RASGEF1A: variants seen among roughly 807,000 people sequenced by gnomAD.
The protein encoded by RASGEF1A is RasGEF domain family member 1A.
RASGEF1A carries 18 observed loss-of-function variants against 56.4 expected under a neutral mutation model. The observed-to-expected ratio is 0.32, with a 90% CI of 0.22 to 0.47. The LOEUF (loss-of-function observed/expected upper bound fraction) is 0.47, where lower values mean the gene tolerates loss of function less well. RASGEF1A is among the 20% of genes least tolerant of loss of function. The pLI, the probability that RASGEF1A is intolerant of heterozygous loss-of-function variation, is 1.00. For synonymous variants in RASGEF1A, 245 were observed against 242.6 expected (o/e 1.01, Z -0.09); for missense variants, 422 against 627.1 (o/e 0.67, Z 3.49).
chr10:43,202,037 C>T, intron 3 of RASGEF1A, 92 bp from the exon 4 acceptor site: 2 of 1,382,504 alleles, frequency 1.4e-6, no homozygotes, highest in East Asian at 2.5e-5. Context: ...CCCCAAGCCA[C>T]ACCCCAGGCC....
chr10:43,199,797 G>A, intron 6 of RASGEF1A, 29 bp from the exon 7 acceptor site: 1 of 1,579,594 alleles, frequency 6.3e-7, no homozygotes. Context: ...GTCATAGGGG[G>A]CCTGGAGGAC....
rs1275101603 is a variant in RASGEF1A, at chr10:43,200,858, G to C, written c.490C>G (p.Gln164Glu). 1 of 1,614,040 alleles carries C rather than the reference G, an allele frequency of 6.2e-7. No individual in the cohort carries two copies. The highest frequency in any genetic ancestry group is 1.7e-5 in the Admixed American group (1 of 60,028). ...ENGTVKKAIA[Q>E]MTQSLLLSLA... is the part of the protein sequence containing the mutation. ...GACAGCAACAGGCTCTGTGTCATCT[G>C]GGCAATGGCCTTCTTCACTGTGCCA... The change falls in exon 5 of 13, where the codon CAG (glutamine) becomes GAG (glutamate). Residue 164 changes from glutamine (Q) to glutamate (E), a missense_variant. By Grantham distance (29) the Gln-to-Glu change is conservative. Transcript: ENST00000395810.
intron 1 of RASGEF1A, chr10:43,229,665 G>A (rs1471108113): frequency 1.1e-5 from 16 of 1,490,338 alleles, no homozygotes; most frequent in African/African-American, 1.5e-5. Flanking sequence ...TCTGGCCGCC[G>A]GCTCCCCGCG....
chr10:43,264,972 G>T (rs1211614093), intron 1 of RASGEF1A, among the ~76,000 whole-genome samples: 4 of 152,142 alleles, frequency 2.6e-5, no homozygotes, highest in Non-Finnish European at 4.4e-5. Context: ...CCTGCCCCTG[G>T]CATCATTCTA....
chr10:43,234,432 G>A (rs959784022), intron 1 of RASGEF1A, among the ~76,000 whole-genome samples: 1 of 152,186 alleles, frequency 6.6e-6, no homozygotes, highest in East Asian at 1.9e-4. Context: ...GCAATGGCAA[G>A]TGAGAGGCAT....
chr10:43,224,233 T>A (rs1307005866), intron 1 of RASGEF1A, among the ~76,000 whole-genome samples: 2 of 152,214 alleles, frequency 1.3e-5, no homozygotes, highest in Non-Finnish European at 2.9e-5. Flanking sequence ...CAATTCATAT[T>A]GAAAAGCCTT....
At chr10:43,249,770 G>A (rs1239550186) in intron 1 of RASGEF1A, among the ~76,000 whole-genome samples, 3 of 152,152 alleles carry the variant, frequency 2.0e-5, no homozygotes. Flanking sequence ...GGAGGAGGTG[G>A]GCCCCAGAGT....
At position 43,198,076 on chromosome 10, in the gene RASGEF1A, G is replaced by T. The variant is rs1171494617; in HGVS notation, c.1152C>A (p.Leu384=). The change falls in exon 10 of 13, where the codon CTC becomes CTA. Residue 384 remains leucine (L), a synonymous_variant. Coordinates refer to ENST00000395810, the MANE Select transcript of RASGEF1A (RefSeq NM_145313.4). ...REKIVIPVFN[L]FVKDIYFLHK... ...GCAGGAAGTAGATGTCCTTAACGAA[G>T]AGGTTGAACACAGGGATGACGATCT... The T allele has an allele frequency of 6.2e-7, 1 of 1,614,202 alleles. No homozygotes were observed. Among genetic ancestry groups the T allele is most frequent in the East Asian group, 2.2e-5 (1 of 44,890 alleles).
intron 1 of RASGEF1A, among the ~76,000 whole-genome samples, chr10:43,253,102 G>A (rs943061446): frequency 2.0e-5 from 3 of 152,154 alleles, no homozygotes; most frequent in African/African-American, 7.2e-5. Context: ...CCACAGGCGG[G>A]GGTGCCCCCA....
At chr10:43,260,573 C>A (rs1462865283) in intron 1 of RASGEF1A, among the ~76,000 whole-genome samples, 2 of 152,192 alleles carry the variant, frequency 1.3e-5, no homozygotes, top group Non-Finnish European at 2.9e-5. Flanking sequence ...AGACCCAGAC[C>A]CCACGGAGAA....
At chr10:43,207,496 C>T (rs1165259865) in intron 1 of RASGEF1A, 17 of 985,334 alleles carry the variant, frequency 1.7e-5, no homozygotes, top group Non-Finnish European at 1.9e-5. Context: ...GCCCAGACGT[C>T]ACTGGTTTTC....
At chr10:43,220,924 C>G (rs2133202251) in intron 1 of RASGEF1A, among the ~76,000 whole-genome samples, 1 of 152,228 alleles carries the variant, frequency 6.6e-6, no homozygotes, top group East Asian at 1.9e-4. Flanking sequence ...ATCCCTGAGA[C>G]CCAACAAGAA....
chr10:43,225,997 C>T (rs774490672), intron 1 of RASGEF1A, among the ~76,000 whole-genome samples: 4 of 140,364 alleles, frequency 2.8e-5, no homozygotes, highest in Admixed American at 7.4e-5. Context: ...GGTCCCAGCC[C>T]GGAAGGCGGG....
intron 3 of RASGEF1A, among the ~76,000 whole-genome samples, chr10:43,202,265 A>C (rs1367916504): frequency 6.6e-6 from 1 of 152,236 alleles, no homozygotes; most frequent in Non-Finnish European, 1.5e-5. Flanking sequence ...CAATACAGTA[A>C]AATAACCCAA....
intron 1 of RASGEF1A, chr10:43,206,705 G>A: frequency 1.0e-6 from 1 of 987,196 alleles, no homozygotes; most frequent in African/African-American, 1.7e-5. Context: ...CGTGGATGGT[G>A]GGTCTTGCCA....
At chr10:43,234,034 G>C (rs1169657178) in intron 1 of RASGEF1A, among the ~76,000 whole-genome samples, 1 of 152,164 alleles carries the variant, frequency 6.6e-6, no homozygotes, top group Admixed American at 6.5e-5. Flanking sequence ...TCAGGGCCGG[G>C]GAGGGCACCC....
At chr10:43,210,377 G>A (rs111892757) in intron 1 of RASGEF1A, among the ~76,000 whole-genome samples, 8,634 of 152,222 alleles carry the variant, frequency 0.057, 826 homozygotes, top group African/African-American at 0.2. Context: ...GGGGAGCTGA[G>A]GCAGGAGGAT....
intron 1 of RASGEF1A, among the ~76,000 whole-genome samples, chr10:43,214,009 T>C (rs2133196705): frequency 6.6e-6 from 1 of 152,302 alleles, no homozygotes; most frequent in African/African-American, 2.4e-5. Context: ...TCTGGCCTCA[T>C]GTGTGCAAAA....
chr10:43,258,732 C>A (rs1208150454), intron 1 of RASGEF1A, among the ~76,000 whole-genome samples: 1 of 152,242 alleles, frequency 6.6e-6, no homozygotes, highest in African/African-American at 2.4e-5. Flanking sequence ...TTGTGCCACC[C>A]ACACCCACCA....
Sources: gnomAD v4.1 joint callset for allele counts (sites outside exome capture counted in the v4.1 genomes callset) on GRCh38, gnomAD v4.1.1 for gene constraint, MANE v1.5 for transcripts, NCBI Gene and HGNC (gene_info 2026-07-23, HGNC 2026-07-21) for gene names.